KLF12: variants seen among roughly 807,000 people sequenced by gnomAD.
KLF12 encodes KLF transcription factor 12, also known as Krueppel-like factor 12.
A neutral mutation model predicts 37.8 loss-of-function variants in KLF12; 9 were observed. The observed-to-expected ratio is 0.24, with a 90% CI of 0.14 to 0.42. KLF12 has a LOEUF of 0.42. Among genes scored for constraint, KLF12 ranks in the 10% least tolerant of loss-of-function variants. The pLI, the probability that KLF12 is intolerant of heterozygous loss-of-function variation, is 1.00. For missense variants in KLF12, 411 were observed against 516.0 expected (o/e 0.80, Z 1.97); for synonymous variants, 208 against 202.1 (o/e 1.03, Z -0.25).
chr13:73,976,678 T>C (rs956988497), intron 2 of KLF12, among the ~76,000 whole-genome samples: 10 of 152,320 alleles, frequency 6.6e-5, no homozygotes, highest in Admixed American at 2.0e-4. Context: ...TGAAATAATA[T>C]CCTCATCACG....
At chr13:73,719,799 G>C (rs1038162594) in intron 6 of KLF12, among the ~76,000 whole-genome samples, 1 of 151,980 alleles carries the variant, frequency 6.6e-6, no homozygotes, top group Non-Finnish European at 1.5e-5. Context: ...ACGGGGTTTT[G>C]TTATGTTGCC....
intron 1 of KLF12, among the ~76,000 whole-genome samples, chr13:74,035,280 A>G (rs888606107): frequency 6.6e-6 from 1 of 152,216 alleles, no homozygotes; most frequent in African/African-American, 2.4e-5. Flanking sequence ...TGCTACATAC[A>G]TAGTTGTGCT....
intron 1 of KLF12, among the ~76,000 whole-genome samples, chr13:74,006,399 T>C (rs533467658): frequency 3.9e-4 from 59 of 152,184 alleles, no homozygotes; most frequent in Non-Finnish European, 6.8e-4. Context: ...AGTTAAACTC[T>C]TAGTGTCGAT....
At chr13:74,293,276 T>C in the KLF12 span, among the ~76,000 whole-genome samples, 12 of 152,176 alleles carry the variant, frequency 7.9e-5, no homozygotes, top group African/African-American at 2.6e-4. Context: ...AAATCCTGGG[T>C]GAAGATTTTT....
the KLF12 span, among the ~76,000 whole-genome samples, chr13:74,275,111 G>T: frequency 5.3e-5 from 8 of 152,238 alleles, no homozygotes; most frequent in African/African-American, 1.9e-4. Flanking sequence ...GAGGATTTTG[G>T]GGGAAATTGT....
chr13:73,988,710 C>T (rs1891889756), intron 2 of KLF12, among the ~76,000 whole-genome samples: 1 of 152,150 alleles, frequency 6.6e-6, no homozygotes, highest in African/African-American at 2.4e-5. Flanking sequence ...TGGTACCCAT[C>T]CCAGCATGCT....
chr13:74,020,122 C>T (rs79021153), intron 1 of KLF12, among the ~76,000 whole-genome samples: 10,815 of 152,280 alleles, frequency 0.071, 512 homozygotes, highest in Non-Finnish European at 0.1. Flanking sequence ...TATTCACTAA[C>T]GTATCTTTTC....
the KLF12 span, among the ~76,000 whole-genome samples, chr13:74,222,747 T>A: frequency 6.6e-6 from 1 of 152,180 alleles, no homozygotes; most frequent in African/African-American, 2.4e-5. Context: ...AATGTATAAA[T>A]TTTTCACTTT....
the KLF12 span, among the ~76,000 whole-genome samples, chr13:74,236,031 G>C: frequency 3.4e-5 from 5 of 148,438 alleles, no homozygotes; most frequent in African/African-American, 1.2e-4. Flanking sequence ...TGCCATGCTG[G>C]TGCGCTGCAC....
chr13:73,789,166 T>C (rs1881518313), intron 5 of KLF12, among the ~76,000 whole-genome samples: 1 of 152,188 alleles, frequency 6.6e-6, no homozygotes, highest in African/African-American at 2.4e-5. Flanking sequence ...ACCTTTGTTT[T>C]TCCACAAATA....
chr13:73,700,508 A>G (rs1306721131), intron 7 of KLF12, among the ~76,000 whole-genome samples: 1 of 152,010 alleles, frequency 6.6e-6, no homozygotes, highest in Non-Finnish European at 1.5e-5. Context: ...CCCCCCAAAA[A>G]TCCTATGCAT....
At chr13:74,072,334 C>A (rs1874299037) in intron 1 of KLF12, among the ~76,000 whole-genome samples, 1 of 119,038 alleles carries the variant, frequency 8.4e-6, no homozygotes, top group Non-Finnish European at 1.7e-5. Flanking sequence ...TCTACTATTT[C>A]CAAGATCTTT....
chr13:74,009,577 G>C (rs78719993), intron 1 of KLF12, among the ~76,000 whole-genome samples: 3 of 152,272 alleles, frequency 2.0e-5, no homozygotes, highest in African/African-American at 7.2e-5. Context: ...AGTCAGAATG[G>C]GTTTTAGGGG....
the KLF12 span, among the ~76,000 whole-genome samples, chr13:74,268,478 G>T: frequency 6.6e-6 from 1 of 152,118 alleles, no homozygotes; most frequent in Non-Finnish European, 1.5e-5. Flanking sequence ...AGTGAAATCA[G>T]GTAATATGCT....
chr13:74,081,261 A>C (rs759932414), intron 1 of KLF12, among the ~76,000 whole-genome samples: 17 of 152,230 alleles, frequency 1.1e-4, no homozygotes, highest in Non-Finnish European at 2.4e-4. Context: ...ATTTGTCATG[A>C]AACTTCCACT....
the KLF12 span, among the ~76,000 whole-genome samples, chr13:74,159,542 C>T: frequency 6.6e-6 from 1 of 152,178 alleles, no homozygotes; most frequent in Admixed American, 6.5e-5. Context: ...GCACATATTT[C>T]ATTATTACTT....
the KLF12 span, among the ~76,000 whole-genome samples, chr13:74,153,236 T>C: frequency 1.2e-4 from 18 of 152,214 alleles, no homozygotes; most frequent in Non-Finnish European, 2.4e-4. Context: ...CAGGAATTTC[T>C]TGAATTCAAT....
At chr13:74,214,887 C>T in the KLF12 span, among the ~76,000 whole-genome samples, 8 of 152,196 alleles carry the variant, frequency 5.3e-5, no homozygotes, top group East Asian at 5.8e-4. Flanking sequence ...CTCTGCCCCC[C>T]GGGTTCAAGC....
rs1296083428 is a variant in KLF12, at chr13:74,074,464, A to G, written c.-32+59275T>C. Among the ~76,000 whole-genome samples, 3 of 151,958 alleles carry G rather than the reference A, an allele frequency of 2.0e-5. No homozygotes were observed. In the East Asian group the frequency reaches 5.8e-4, roughly 30 times the overall value. ...TCCACTTTCCCTATCATCTAACTGG[A>G]CTCTGATCTTACCCAAAACTCCATA... On this transcript the variant is annotated intron_variant, in intron 1 of 7. Transcript: ENST00000377669.
Sources: allele counts gnomAD v4.1 joint callset (sites outside exome capture counted in the v4.1 genomes callset), GRCh38; gene constraint gnomAD v4.1.1; transcripts MANE v1.5; gene names NCBI Gene and HGNC (gene_info 2026-07-23, HGNC 2026-07-21).